NOMO1: variants seen among roughly 807,000 people sequenced by gnomAD.
NOMO1 encodes the protein NODAL modulator 1, also known as nodal modulator 3.
Under a neutral mutation model 133.8 loss-of-function variants are expected in NOMO1, and 40 were observed. That is an observed-to-expected ratio of 0.30 (90% CI 0.23 to 0.39). The LOEUF (loss-of-function observed/expected upper bound fraction) is 0.39. Ranked by LOEUF, NOMO1 falls within the 10% of genes least tolerant of loss-of-function variation. The probability of loss-of-function intolerance (pLI) is 1.00; values close to 1 mark genes in which losing one functional copy is unlikely to be tolerated. For missense variants in NOMO1, 462 were observed against 1,419.9 expected, an observed-to-expected ratio of 0.33 and a Z score of 10.84; for synonymous variants, 236 against 570.5, an observed-to-expected ratio of 0.41 and a Z score of 8.36.
chr16:14,857,142 C>G (rs1477807924), intron 9 of NOMO1, 75 bp from the exon 10 acceptor site: 1 of 1,607,082 alleles, frequency 6.2e-7, no homozygotes, highest in Non-Finnish European at 8.5e-7. Context: ...TGGTGGCCGG[C>G]GCAGCAGAAG....
intron 14 of NOMO1, 84 bp from the exon 15 acceptor site, chr16:14,866,471 A>G: frequency 6.2e-7 from 1 of 1,609,030 alleles, no homozygotes; most frequent in South Asian, 1.1e-5. Context: ...AAATTGATTA[A>G]TTCATGATCA....
intron 24 of NOMO1, among the ~76,000 whole-genome samples, chr16:14,880,550 T>A (rs1190289694): frequency 1.3e-5 from 2 of 150,954 alleles, no homozygotes; most frequent in Non-Finnish European, 3.0e-5. Context: ...CATGGCTAAT[T>A]TTTCTATTTT....
At chr16:14,840,949 G>T (rs1308170102) in intron 2 of NOMO1, among the ~76,000 whole-genome samples, 1 of 151,724 alleles carries the variant, frequency 6.6e-6, no homozygotes, top group Non-Finnish European at 1.5e-5. Flanking sequence ...TTATAGGTGT[G>T]AGGTGCTGTG....
chr16:14,867,929 T>A (rs2151003345), intron 15 of NOMO1, among the ~76,000 whole-genome samples: 1 of 123,902 alleles, frequency 8.1e-6, no homozygotes, highest in South Asian at 2.8e-4. Context: ...CTTAACCCCT[T>A]CTTTATCTCC....
At chr16:14,875,604 G>C (rs1270187608) in intron 20 of NOMO1, among the ~76,000 whole-genome samples, 182 bp downstream of exon 20, 1 of 113,666 alleles carries the variant, frequency 8.8e-6, no homozygotes, top group East Asian at 3.0e-4. Context: ...TGGTTGGGTT[G>C]GATGGATGGA....
chr16:14,857,740 T>C, intron 11 of NOMO1, 85 bp downstream of exon 11: 2 of 1,585,782 alleles, frequency 1.3e-6, no homozygotes, highest in Non-Finnish European at 1.7e-6. Context: ...CTGTGTGTCT[T>C]TGCCGAGCTT....
intron 29 of NOMO1, among the ~76,000 whole-genome samples, chr16:14,891,046 T>TA (rs1340942156): frequency 8.0e-6 from 1 of 124,788 alleles, no homozygotes; most frequent in Non-Finnish European, 1.7e-5. Context: ...AGTCAAAGGG[T>TA]AAATGCATAC....
At chr16:14,871,546 C>G in intron 16 of NOMO1, 75 bp from the exon 17 acceptor site, 1 of 1,605,958 alleles carries the variant, frequency 6.2e-7, no homozygotes, top group East Asian at 2.2e-5. Flanking sequence ...AGCTGCCACT[C>G]GATTTCAGAT....
rs757815403 is a variant in NOMO1, at chr16:14,882,551, C to T, written c.3028-43C>T. ...CAGGCTTGGACCAGGCACGATACGACAAGCCCCCTTTCTAGAGAGCTGACT... is the reference window on the plus strand; with the variant it reads ...CAGGCTTGGACCAGGCACGATACGATAAGCCCCCTTTCTAGAGAGCTGACT... On this transcript the variant is annotated intron_variant, in intron 25 of 30. Coordinates refer to ENST00000287667, the MANE Select transcript of NOMO1 (RefSeq NM_014287.4). 3 of 1,611,442 alleles carry T rather than the reference C, an allele frequency of 1.9e-6. No individual in the cohort carries two copies. In the South Asian group the frequency reaches 3.3e-5, roughly 18 times the overall value.
At chr16:14,856,763 G>T (rs1963843945) in intron 9 of NOMO1, among the ~76,000 whole-genome samples, 1 of 151,944 alleles carries the variant, frequency 6.6e-6, no homozygotes, top group Admixed American at 6.6e-5. Context: ...AAGACAGGAG[G>T]GGGCACGTGA....
chr16:14,853,265 G>A (rs1963786647), intron 7 of NOMO1: 3 of 425,804 alleles, frequency 7.0e-6, no homozygotes, highest in East Asian at 4.1e-5. Context: ...CATCTTTCCC[G>A]GGAAGACTGT....
chr16:14,864,177 AG>A (rs1242175590), intron 12 of NOMO1, among the ~76,000 whole-genome samples: 1 of 142,516 alleles, frequency 7.0e-6, no homozygotes. Context: ...GAACAATAGG[AG>A]GAAGAAAATG....
Position 14,886,139 on chromosome 16 carries a change from C to T in NOMO1, c.3223-622C>T, listed in dbSNP as rs574774257. ...GTGTGGGAGTGAGAACAGGCAAGAA[C>T]CCCAGAAATAAAGCCAGAAACAAAG... On this transcript the variant is annotated intron_variant, in intron 27 of 30. Transcript: ENST00000287667. 2.0e-3 allele frequency among the ~76,000 whole-genome samples: 303 copies of T among 152,058 alleles called. 3 individuals carry two copies. The highest frequency in any genetic ancestry group is 2.2e-3 in the Non-Finnish European group (152 of 68,018).
intron 29 of NOMO1, among the ~76,000 whole-genome samples, chr16:14,892,867 G>T (rs890134074): frequency 1.5e-5 from 2 of 137,592 alleles, no homozygotes; most frequent in African/African-American, 5.1e-5. Flanking sequence ...TTTCCACCTC[G>T]TTCTGCCCTC....
chr16:14,840,341 C>T (rs1963587222), intron 2 of NOMO1, among the ~76,000 whole-genome samples: 1 of 74,342 alleles, frequency 1.3e-5, no homozygotes, highest in Non-Finnish European at 2.6e-5. Context: ...AATCCTAGCA[C>T]TTTGGGAGGT....
intron 9 of NOMO1, among the ~76,000 whole-genome samples, chr16:14,855,758 C>T (rs1963824741): frequency 6.6e-6 from 1 of 151,926 alleles, no homozygotes; most frequent in South Asian, 2.1e-4. Context: ...GGGAATGGGG[C>T]CCTGTAAGTT....
At chr16:14,839,152 T>C (rs1963566936) in intron 2 of NOMO1, among the ~76,000 whole-genome samples, 1 of 151,822 alleles carries the variant, frequency 6.6e-6, no homozygotes, top group African/African-American at 2.4e-5. Flanking sequence ...CCCCCCAGGT[T>C]CAAGCCATTT....
At chr16:14,877,625 G>T (rs1964180923) in intron 22 of NOMO1, among the ~76,000 whole-genome samples, 1 of 152,066 alleles carries the variant, frequency 6.6e-6, no homozygotes, top group African/African-American at 2.4e-5. Flanking sequence ...GGAAATTCAT[G>T]CAAGTAACGC....
chr16:14,851,716 T>C (rs1963761466), intron 6 of NOMO1, among the ~76,000 whole-genome samples: 2 of 63,324 alleles, frequency 3.2e-5, no homozygotes, highest in African/African-American at 7.2e-5. Context: ...TTGAATTGGG[T>C]GAGACTTGGC....
Sources: allele counts gnomAD v4.1 joint callset (sites outside exome capture counted in the v4.1 genomes callset), GRCh38; gene constraint gnomAD v4.1.1; transcripts MANE v1.5; gene names NCBI Gene and HGNC (gene_info 2026-07-23, HGNC 2026-07-21).